The following IL1RAPL1 variants were observed in gnomAD, a reference collection of about 807,000 sequenced individuals.
The protein encoded by IL1RAPL1 is interleukin-1 receptor accessory protein-like 1.
IL1RAPL1 carries 3 observed loss-of-function variants against 48.4 expected under a neutral mutation model. The ratio of observed to expected loss-of-function variants is 0.06; its 90% CI spans 0.03 to 0.16. The LOEUF (loss-of-function observed/expected upper bound fraction) is 0.16. Ranked by LOEUF, IL1RAPL1 falls within the 10% of genes least tolerant of loss-of-function variation. The pLI, the probability that IL1RAPL1 is intolerant of heterozygous loss-of-function variation, is 1.00. For synonymous variants in IL1RAPL1, 185 were observed against 187.7 expected (o/e 0.99, Z 0.12); for missense variants, 349 against 530.6 (o/e 0.66, Z 3.36).
intron 2 of IL1RAPL1, among the ~76,000 whole-genome samples, chrX:29,026,194 A>G (rs1465436948): frequency 8.9e-6 from 1 of 112,009 alleles, no homozygotes; most frequent in African/African-American, 3.2e-5. Flanking sequence ...AACCAACTCT[A>G]TAATGTTGTT....
chrX:28,946,249 T>C (rs373953327), intron 2 of IL1RAPL1, among the ~76,000 whole-genome samples: 46 of 110,808 alleles, frequency 4.2e-4, no homozygotes, highest in African/African-American at 1.4e-3. Flanking sequence ...TTCGGTTATC[T>C]TTCTGTCTAC....
chrX:29,704,436 A>G (rs1309069606), intron 6 of IL1RAPL1, among the ~76,000 whole-genome samples: 3 of 111,460 alleles, frequency 2.7e-5, no homozygotes, highest in Non-Finnish European at 5.6e-5. Context: ...TGGGAGGCTG[A>G]GTCAGGCAGA....
intron 2 of IL1RAPL1, among the ~76,000 whole-genome samples, chrX:29,241,042 C>T (rs901450002): frequency 4.5e-5 from 5 of 112,083 alleles, no homozygotes; most frequent in Non-Finnish European, 9.4e-5. Context: ...AGCAAGCTCT[C>T]GATCGCTCTC....
At chrX:29,314,461 T>G (rs1417904407) in intron 3 of IL1RAPL1, among the ~76,000 whole-genome samples, 1 of 112,701 alleles carries the variant, frequency 8.9e-6, no homozygotes, top group African/African-American at 3.2e-5. Context: ...AAACAACTTA[T>G]TGTCTTAAGA....
intron 2 of IL1RAPL1, among the ~76,000 whole-genome samples, chrX:28,850,806 G>A (rs1267041432): frequency 9.5e-6 from 1 of 104,786 alleles, no homozygotes; most frequent in African/African-American, 3.5e-5. Context: ...AACCTGATCT[G>A]TAGTCCTAAA....
At chrX:28,829,470 G>A (rs988334400) in intron 2 of IL1RAPL1, among the ~76,000 whole-genome samples, 1 of 110,167 alleles carries the variant, frequency 9.1e-6, no homozygotes, top group African/African-American at 3.3e-5. Context: ...TGTTAGTTAT[G>A]GTTTTATCAT....
intron 8 of IL1RAPL1, among the ~76,000 whole-genome samples, chrX:29,922,532 A>G (rs1178094106): frequency 6.3e-5 from 7 of 111,873 alleles, no homozygotes; most frequent in Non-Finnish European, 1.3e-4. Context: ...TCACAAAGAC[A>G]CCAATGGATG....
intron 6 of IL1RAPL1, among the ~76,000 whole-genome samples, chrX:29,847,962 AAT>A (rs1334510660): frequency 9.0e-6 from 1 of 111,638 alleles, no homozygotes; most frequent in Non-Finnish European, 1.9e-5. Context: ...ATTCTTTTAA[AAT>A]ACTACATATT....
intron 5 of IL1RAPL1, among the ~76,000 whole-genome samples, chrX:29,530,605 A>G (rs183129113): frequency 3.7e-4 from 42 of 112,064 alleles, no homozygotes; most frequent in Non-Finnish European, 5.6e-4. Context: ...CTACAGTATC[A>G]TATCAGATTC....
intron 2 of IL1RAPL1, among the ~76,000 whole-genome samples, chrX:29,205,437 T>C (rs927993575): frequency 9.0e-6 from 1 of 111,687 alleles, no homozygotes; most frequent in African/African-American, 3.3e-5. Flanking sequence ...TGGTCATATA[T>C]ATATTGATGT....
At position 29,368,590 on chromosome X, in the gene IL1RAPL1, C is replaced by CTTT. The variant is rs894805840; in HGVS notation, c.363-27651_363-27649dup. 7.6e-4 allele frequency among the ~76,000 whole-genome samples: 67 copies of CTTT among 87,610 alleles called. 1 individual carries two copies. Among genetic ancestry groups the CTTT allele is most frequent in the African/African-American group, 1.1e-3 (25 of 22,538 alleles). The allele number at this position is 87,610 out of a possible 115,157, so 76.1% of individuals were successfully genotyped here. ...TGTTTGTTTGTTTTTCTTTTTCTTTCTTTTTTTTTTTTTTTTTTTGTAGAG... is the reference window on the plus strand; with the variant it reads ...TGTTTGTTTGTTTTTCTTTTTCTTTCTTTTTTTTTTTTTTTTTTTTTTGTAGAG... On this transcript the variant is annotated intron_variant, in intron 3 of 10. Coordinates refer to ENST00000378993, the MANE Select transcript of IL1RAPL1 (RefSeq NM_014271.4).
intron 1 of IL1RAPL1, among the ~76,000 whole-genome samples, chrX:28,749,471 T>C (rs955902285): frequency 2.7e-5 from 3 of 111,748 alleles, no homozygotes; most frequent in African/African-American, 9.8e-5. Context: ...AGGAGTGAGA[T>C]GGTATGTCGT....
intron 2 of IL1RAPL1, among the ~76,000 whole-genome samples, chrX:29,075,352 A>G (rs1927648074): frequency 8.9e-6 from 1 of 111,833 alleles, no homozygotes; most frequent in African/African-American, 3.3e-5. Flanking sequence ...TGGACTATAA[A>G]TAGAAACAGC....
chrX:29,045,399 A>G (rs1242458284), intron 2 of IL1RAPL1, among the ~76,000 whole-genome samples: 1 of 112,287 alleles, frequency 8.9e-6, no homozygotes, highest in South Asian at 3.7e-4. Context: ...CTGACAGAGC[A>G]TGCAATTGCC....
At chrX:29,734,100 C>T (rs1345470357) in intron 6 of IL1RAPL1, among the ~76,000 whole-genome samples, 3 of 112,610 alleles carry the variant, frequency 2.7e-5, no homozygotes, top group African/African-American at 9.7e-5. Flanking sequence ...TCATTTGAAG[C>T]ATTAAACTAA....
chrX:29,947,338 C>T (rs1933230806), intron 9 of IL1RAPL1, among the ~76,000 whole-genome samples: 1 of 110,743 alleles, frequency 9.0e-6, no homozygotes, highest in Admixed American at 9.6e-5. Context: ...TTGTTGTTTT[C>T]AGCTTTTTTT....
chrX:29,183,946 G>A (rs755229931), intron 2 of IL1RAPL1, among the ~76,000 whole-genome samples: 1 of 111,433 alleles, frequency 9.0e-6, no homozygotes, highest in Non-Finnish European at 1.9e-5. Flanking sequence ...TGCCCTTCTC[G>A]GCCTTCCAAA....
chrX:29,770,301 C>T (rs908083404), intron 6 of IL1RAPL1, among the ~76,000 whole-genome samples: 1 of 111,757 alleles, frequency 8.9e-6, no homozygotes, highest in African/African-American at 3.3e-5. Flanking sequence ...TTTCCTCCTC[C>T]TTTCTTCCAT....
At chrX:28,891,688 T>G (rs1922773707) in intron 2 of IL1RAPL1, among the ~76,000 whole-genome samples, 2 of 112,443 alleles carry the variant, frequency 1.8e-5, no homozygotes, top group Admixed American at 1.9e-4. Context: ...TGGTAGACAT[T>G]TAGGTTGTTT....
Sources: allele counts gnomAD v4.1 joint callset (sites outside exome capture counted in the v4.1 genomes callset), GRCh38; gene constraint gnomAD v4.1.1; transcripts MANE v1.5; gene names NCBI Gene and HGNC (gene_info 2026-07-23, HGNC 2026-07-21).